EIF3A: variants seen among roughly 807,000 people sequenced by gnomAD.
The protein encoded by EIF3A is EIF3, p180 subunit.
Under a neutral mutation model 186.6 loss-of-function variants are expected in EIF3A, and 21 were observed. The ratio of observed to expected loss-of-function variants is 0.11; its 90% CI spans 0.08 to 0.16. The LOEUF (loss-of-function observed/expected upper bound fraction) is 0.16, where lower values mean the gene tolerates loss of function less well. Ranked by LOEUF, EIF3A falls within the 10% of genes least tolerant of loss-of-function variation. The pLI is 1.00. For synonymous variants in EIF3A, 563 were observed against 584.3 expected (o/e 0.96, Z 0.52); for missense variants, 1,306 against 1,796.3 (o/e 0.73, Z 4.93).
At chr10:119,050,400 A>T in intron 16 of EIF3A, 121 bp downstream of exon 16, 1 of 964,374 alleles carries the variant, frequency 1.0e-6, no homozygotes, top group Non-Finnish European at 1.6e-6. Context: ...AGATCCAGTT[A>T]ATTACAGTGC....
intron 17 of EIF3A, among the ~76,000 whole-genome samples, chr10:119,046,886 G>A (rs1231241143): frequency 2.0e-5 from 3 of 152,152 alleles, no homozygotes; most frequent in Non-Finnish European, 4.4e-5. Flanking sequence ...GAACCTGGAA[G>A]GTGGAGGCTG....
Position 119,080,614 on chromosome 10 carries a change from G to T in EIF3A, c.49+14C>A, listed in dbSNP as rs774627068. 2.5e-6 allele frequency: 4 copies of T among 1,579,708 alleles called. No homozygotes were observed. Among genetic ancestry groups the T allele is most frequent in the East Asian group, 4.7e-5 (2 of 42,602 alleles). ...GGGCCGCCCCAGCCCGGCGCGCCCC[G>T]ATCAGCTACTCACCGTTGGCGCGTT... On this transcript the variant is annotated intron_variant, in intron 1 of 21. Coordinates refer to ENST00000369144, the MANE Select transcript of EIF3A (RefSeq NM_003750.4).
Position 119,042,781 on chromosome 10 carries a change from C to A in EIF3A, c.2748-9G>T, listed in dbSNP as rs1471158157. ...CTCCACGTCTCCACTCCCTACACAG[C>A]AACAAGAACAATTAAAAATATATAA... is the stretch of plus-strand genomic sequence containing the variant. On this transcript the variant is annotated splice_polypyrimidine_tract_variant and intron_variant, in intron 18 of 21. Transcript: ENST00000369144. This position sits in a 1 kb window ranked among gnomAD's most constrained non-coding sequence, Gnocchi z 7.8. 1.9e-6 allele frequency: 3 copies of A among 1,555,688 alleles called. No individual in the cohort carries two copies. In the Admixed American group the frequency reaches 6.3e-5, roughly 33 times the overall value.
intron 1 of EIF3A, among the ~76,000 whole-genome samples, chr10:119,074,935 A>AGG (rs1275258663): frequency 1.4e-5 from 2 of 146,272 alleles, no homozygotes; most frequent in East Asian, 2.0e-4. Flanking sequence ...AAAAAAAAAA[A>AGG]AAAAAAGGGA....
Position 119,059,414 on chromosome 10 carries a change from A to G in EIF3A, c.1444-17T>C. The G allele has an allele frequency of 6.6e-7, 1 of 1,513,856 alleles. No homozygotes were observed. Among genetic ancestry groups the G allele is most frequent in the Non-Finnish European group, 8.9e-7 (1 of 1,118,694 alleles). 93.8% of individuals were successfully genotyped at this position (1,513,856 alleles called of 1,614,324 possible). ...AATACGAACCTTTGAAAATTAAATT[A>G]TCAATGGTTAAATCCACAAGTAAGC... On this transcript the variant is annotated splice_polypyrimidine_tract_variant and intron_variant, in intron 10 of 21. Transcript: ENST00000369144.
intron 21 of EIF3A, among the ~76,000 whole-genome samples, chr10:119,036,651 T>G (rs1235054621): frequency 6.6e-6 from 1 of 152,182 alleles, no homozygotes; most frequent in East Asian, 1.9e-4. Flanking sequence ...CAGGAGTTTT[T>G]AAAGTTATGG....
At chr10:119,047,689 A>C (rs1265730105) in intron 17 of EIF3A, among the ~76,000 whole-genome samples, 4 of 152,236 alleles carry the variant, frequency 2.6e-5, no homozygotes, top group Non-Finnish European at 1.5e-5. Context: ...AGAAAAAAAC[A>C]TTCATAGAAC....
chr10:119,050,719 A>C (rs1268251468), intron 15 of EIF3A, 45 bp from the exon 16 acceptor site: 1 of 1,605,590 alleles, frequency 6.2e-7, no homozygotes, highest in Non-Finnish European at 8.5e-7. Flanking sequence ...ACACTTTGTC[A>C]AGAGCAACAA....
intron 17 of EIF3A, among the ~76,000 whole-genome samples, chr10:119,047,236 C>A (rs1848293142): frequency 6.6e-6 from 1 of 152,164 alleles, no homozygotes; most frequent in Non-Finnish European, 1.5e-5. Flanking sequence ...CCACTGCACT[C>A]CAGCCTGGGC....
chr10:119,049,867 T>C lies in EIF3A; in HGVS notation c.2592A>G (p.Glu864=). Residue 864 remains glutamate, a synonymous_variant, in exon 17 of 22, where the codon GAA becomes GAG. Coordinates refer to ENST00000369144, the MANE Select transcript of EIF3A (RefSeq NM_003750.4). ...VERKKRQREL[E]IEERERRREE... is the part of the protein sequence containing the mutation. Reference sequence around the variant, plus strand: ...CTCTACGCCGTTCTCGTTCTTCAATTTCCAACTCCCTTTGGCGTTTTTTCC... The same window carrying C: ...CTCTACGCCGTTCTCGTTCTTCAATCTCCAACTCCCTTTGGCGTTTTTTCC... 6.2e-7 allele frequency: 1 copy of C among 1,614,226 alleles called. No individual in the cohort carries two copies. The highest frequency in any genetic ancestry group is 8.5e-7 in the Non-Finnish European group (1 of 1,180,036).
intron 7 of EIF3A, 36 bp from the exon 8 acceptor site, chr10:119,061,364 G>A: frequency 5.2e-6 from 5 of 960,584 alleles, no homozygotes; most frequent in South Asian, 1.6e-5. Context: ...AACTGCCAAA[G>A]GAAATTTTCC....
chr10:119,038,214 A>G (rs1383295586), intron 20 of EIF3A, 24 bp downstream of exon 20: 2 of 1,604,636 alleles, frequency 1.2e-6, no homozygotes, highest in East Asian at 4.5e-5. Context: ...GGCCTCTACA[A>G]ATAATTTAAT....
chr10:119,041,843 CTT>C, intron 19 of EIF3A, 149 bp downstream of exon 19: 2 of 839,460 alleles, frequency 2.4e-6, no homozygotes, highest in Non-Finnish European at 3.6e-6. Flanking sequence ...TGAAGGCAAA[CTT>C]TTGACAGCGA....
chr10:119,045,960 G>C (rs1848278584), intron 17 of EIF3A, among the ~76,000 whole-genome samples: 1 of 152,176 alleles, frequency 6.6e-6, no homozygotes, highest in African/African-American at 2.4e-5. Context: ...AAGAGATGAA[G>C]AGAGTAAAAG....
At chr10:119,041,759 G>A (rs567831872) in intron 19 of EIF3A, among the ~76,000 whole-genome samples, 17 of 152,320 alleles carry the variant, frequency 1.1e-4, no homozygotes, top group Admixed American at 1.0e-3. Flanking sequence ...AGTCATCGAA[G>A]CAGAAGGAAA....
In EIF3A at chr10:119,051,238, G is replaced by A. The variant is rs1009878829; in HGVS notation, c.2280C>T (p.Phe760=). The change falls in exon 15 of 22, where the codon TTC becomes TTT. Residue 760 remains phenylalanine (F), a synonymous_variant. Coordinates refer to ENST00000369144, the MANE Select transcript of EIF3A (RefSeq NM_003750.4). ...GCCGTGCAGCTTTGAGTCGCATTAC[G>A]AATAAATCTCTGTCTTCAAGCATTC... ...MSRMLEDRDL[F]VMRLKAARQS... is the part of the protein sequence containing the mutation. 8.1e-6 allele frequency: 13 copies of A among 1,611,518 alleles called. No homozygotes were observed. Among genetic ancestry groups the A allele is most frequent in the Admixed American group, 6.7e-5 (4 of 59,312 alleles).
At chr10:119,056,001 G>A (rs769245893) in intron 14 of EIF3A, among the ~76,000 whole-genome samples, 7 of 152,058 alleles carry the variant, frequency 4.6e-5, no homozygotes, top group Non-Finnish European at 8.8e-5. Flanking sequence ...GGGAAGGGCT[G>A]GCAATCCTAG....
At position 119,038,396 on chromosome 10, in the gene EIF3A, A is replaced by T; in HGVS notation, c.3570T>A (p.Gly1190=). 6.2e-7 allele frequency: 1 copy of T among 1,613,860 alleles called. No homozygotes were observed. Among genetic ancestry groups the T allele is most frequent in the Non-Finnish European group, 8.5e-7 (1 of 1,179,964 alleles). Residue 1190 remains glycine, a synonymous_variant, in exon 20 of 22, where the codon GGT becomes GGA. Transcript: ENST00000369144. ...CTGATGGCCTTGATTCTCGAGGTGGACCCCAGCTCTCCTCTCTGGCTTTTT... is the reference window on the plus strand; with the variant it reads ...CTGATGGCCTTGATTCTCGAGGTGGTCCCCAGCTCTCCTCTCTGGCTTTTT... ...EKEKAREESW[G]PPRESRPSEE...
chr10:119,039,170 C>G (rs599337), intron 19 of EIF3A, among the ~76,000 whole-genome samples: 151,973 of 152,336 alleles, frequency 1, 75,807 homozygotes, highest in Middle Eastern at 1. Flanking sequence ...ATCCAAAAAA[C>G]AATCTTTCCT....
Sources: allele counts gnomAD v4.1 joint callset (sites outside exome capture counted in the v4.1 genomes callset), GRCh38; gene constraint gnomAD v4.1.1; non-coding constraint Gnocchi (gnomAD v3.1); transcripts MANE v1.5; gene names NCBI Gene and HGNC (gene_info 2026-07-23, HGNC 2026-07-21).